The following VSNL1 variants were observed in gnomAD, a reference collection of about 807,000 sequenced individuals.
VSNL1 encodes visinin-like protein 1.
Under a neutral mutation model 20.4 loss-of-function variants are expected in VSNL1, and 6 were observed. That is an observed-to-expected ratio of 0.29 (90% CI 0.16 to 0.58). The LOEUF (loss-of-function observed/expected upper bound fraction) is 0.58, where lower values mean the gene tolerates loss of function less well. Ranked by LOEUF, VSNL1 falls within the 20% of genes least tolerant of loss-of-function variation. The pLI is 0.90. For missense variants in VSNL1, 100 were observed against 234.5 expected (o/e 0.43, Z 3.75); for synonymous variants, 93 against 86.4 (o/e 1.08, Z -0.42).
intron 1 of VSNL1, chr2:17,567,290 G>A (rs1321083419): frequency 1.3e-5 from 2 of 149,590 alleles, no homozygotes; most frequent in African/African-American, 4.9e-5. Context: ...GTTTTATGAG[G>A]TGTATTCCTA....
rs984074545 is a variant in VSNL1, at chr2:17,575,787, G to A, written c.-5-16283G>A. Among the ~76,000 whole-genome samples, 49 of 151,664 alleles carry A rather than the reference G, an allele frequency of 3.2e-4. 1 individual carries two copies. Among genetic ancestry groups the A allele is most frequent in the Non-Finnish European group, 1.2e-4 (8 of 67,890 alleles). On this transcript the variant is annotated intron_variant, in intron 1 of 3. Transcript: ENST00000295156. ...CCTGACCTTGTGATCTGCCTGCCTC[G>A]GCCTCCCAAAGTGCTGGGATTATAG...
At chr2:17,607,591 T>G (rs1664976131) in intron 2 of VSNL1, among the ~76,000 whole-genome samples, 1 of 152,212 alleles carries the variant, frequency 6.6e-6, no homozygotes, top group Non-Finnish European at 1.5e-5. Context: ...CACGTGCAGC[T>G]GTCACTCAAT....
chr2:17,628,526 A>T (rs1665560571), intron 2 of VSNL1, among the ~76,000 whole-genome samples: 2 of 152,164 alleles, frequency 1.3e-5, no homozygotes, highest in Admixed American at 6.5e-5. Flanking sequence ...TTGTGGTTTA[A>T]GTCCAGAGTT....
intron 2 of VSNL1, among the ~76,000 whole-genome samples, chr2:17,612,168 C>A (rs531986923): frequency 1.3e-5 from 2 of 152,294 alleles, no homozygotes; most frequent in South Asian, 2.1e-4. Context: ...TTGATTTTGA[C>A]CCCCTTCAGG....
intron 1 of VSNL1, among the ~76,000 whole-genome samples, chr2:17,585,079 C>A (rs574479900): frequency 6.6e-6 from 1 of 152,312 alleles, no homozygotes; most frequent in South Asian, 2.1e-4. Flanking sequence ...TTTGCCTTAT[C>A]TTGAGTCCCC....
At chr2:17,574,202 T>TC (rs144001342) in intron 1 of VSNL1, among the ~76,000 whole-genome samples, 4,245 of 151,342 alleles carry the variant, frequency 0.028, 66 homozygotes, top group East Asian at 0.093. Flanking sequence ...CTTTCTTTGA[T>TC]CCCCCCCCAC....
chr2:17,617,251 T>C (rs1402753578), intron 2 of VSNL1, among the ~76,000 whole-genome samples: 1 of 152,124 alleles, frequency 6.6e-6, no homozygotes, highest in Admixed American at 6.5e-5. Context: ...ATTGAGCACT[T>C]TGAGAGCCCA....
At chr2:17,570,932 G>A (rs1664067188) in intron 1 of VSNL1, among the ~76,000 whole-genome samples, 1 of 151,982 alleles carries the variant, frequency 6.6e-6, no homozygotes, top group African/African-American at 2.4e-5. Context: ...TATGTGGGAG[G>A]CTGGAGTCGC....
chr2:17,575,941 TA>T (rs1196344699), intron 1 of VSNL1, among the ~76,000 whole-genome samples: 5 of 152,230 alleles, frequency 3.3e-5, no homozygotes, highest in Non-Finnish European at 5.9e-5. Context: ...TAGAAACTTG[TA>T]AATTATAGGA....
At chr2:17,591,038 G>A (rs1664583256) in intron 1 of VSNL1, among the ~76,000 whole-genome samples, 1 of 152,008 alleles carries the variant, frequency 6.6e-6, no homozygotes, top group African/African-American at 2.4e-5. Context: ...ACTTTAAAGG[G>A]AAAATTTTAA....
chr2:17,638,179 T>G (rs1665797714), intron 2 of VSNL1, among the ~76,000 whole-genome samples: 1 of 152,204 alleles, frequency 6.6e-6, no homozygotes. Context: ...GTTCAAATTC[T>G]GCCACTAACT....
At chr2:17,585,400 A>C (rs1664447619) in intron 1 of VSNL1, among the ~76,000 whole-genome samples, 1 of 151,670 alleles carries the variant, frequency 6.6e-6, no homozygotes, top group Non-Finnish European at 1.5e-5. Context: ...AAAAAAACAT[A>C]CAATATGCTG....
At chr2:17,654,565 A>T (rs768843895) in intron 3 of VSNL1, among the ~76,000 whole-genome samples, 1 of 152,110 alleles carries the variant, frequency 6.6e-6, no homozygotes, top group Non-Finnish European at 1.5e-5. Flanking sequence ...CATTATTTCT[A>T]ATCTCACCAT....
Position 17,656,143 on chromosome 2 carries a change from G to A in VSNL1, c.*749G>A, listed in dbSNP as rs950954141. The A allele has an allele frequency of 1.3e-5, 2 of 152,464 alleles. No individual in the cohort carries two copies. The highest frequency in any genetic ancestry group is 2.9e-5 in the Non-Finnish European group (2 of 68,042). 9.4% of individuals were successfully genotyped at this position (152,464 alleles called of 1,614,324 possible). On this transcript the variant is annotated 3_prime_UTR_variant, in exon 4 of 4. Transcript: ENST00000295156. Reference sequence around the variant, plus strand: ...GTTTGAATTTTCAAAGGCTTCCAATGTGGTGGCAATAAATGTCCCAAATAA... The same window carrying A: ...GTTTGAATTTTCAAAGGCTTCCAATATGGTGGCAATAAATGTCCCAAATAA...
intron 1 of VSNL1, among the ~76,000 whole-genome samples, chr2:17,574,912 A>G (rs1325237957): frequency 6.6e-6 from 1 of 152,124 alleles, no homozygotes; most frequent in East Asian, 1.9e-4. Context: ...AACTACAGGC[A>G]CACACCACCA....
intron 2 of VSNL1, among the ~76,000 whole-genome samples, chr2:17,623,087 A>G (rs772175667): frequency 5.3e-5 from 8 of 152,236 alleles, no homozygotes; most frequent in African/African-American, 9.6e-5. Flanking sequence ...CCACAATGAG[A>G]TAAGCTTGTT....
intron 1 of VSNL1, among the ~76,000 whole-genome samples, chr2:17,570,466 G>GT (rs1035412931): frequency 2.7e-4 from 41 of 152,190 alleles, no homozygotes; most frequent in African/African-American, 9.2e-4. Context: ...AACACCAAAG[G>GT]TTTATAGTAT....
intron 2 of VSNL1, among the ~76,000 whole-genome samples, chr2:17,596,478 A>C (rs1357195931): frequency 1.3e-5 from 2 of 152,200 alleles, no homozygotes; most frequent in African/African-American, 4.8e-5. Context: ...GAGAAAATCA[A>C]CCCAGGGGAA....
chr2:17,586,001 G>A (rs1321628137), intron 1 of VSNL1, among the ~76,000 whole-genome samples: 1 of 151,900 alleles, frequency 6.6e-6, no homozygotes, highest in Admixed American at 6.6e-5. Context: ...TAGAGACAGG[G>A]TTTCACCATG....
Sources: allele counts gnomAD v4.1 joint callset (sites outside exome capture counted in the v4.1 genomes callset), GRCh38; gene constraint gnomAD v4.1.1; transcripts MANE v1.5; gene names NCBI Gene and HGNC (gene_info 2026-07-23, HGNC 2026-07-21).